DCC: variants seen among roughly 807,000 people sequenced by gnomAD.
DCC encodes DCC netrin 1 receptor.
Under a neutral mutation model 172.5 loss-of-function variants are expected in DCC, and 58 were observed. The ratio of observed to expected loss-of-function variants is 0.34; its 90% CI spans 0.27 to 0.42. The LOEUF is 0.42. DCC is among the 10% of genes least tolerant of loss of function. The pLI is 1.00. For missense variants in DCC, 1,740 were observed against 1,791.0 expected, an observed-to-expected ratio of 0.97 and a Z score of 0.51; for synonymous variants, 709 against 644.5, an observed-to-expected ratio of 1.10 and a Z score of -1.52.
chr18:52,788,741 A>T (rs2037707360), intron 2 of DCC, among the ~76,000 whole-genome samples: 1 of 152,210 alleles, frequency 6.6e-6, no homozygotes, highest in African/African-American at 2.4e-5. Context: ...TTGGAGGAAC[A>T]GGGCCAGGAA....
intron 1 of DCC, among the ~76,000 whole-genome samples, chr18:52,673,662 C>T (rs752442304): frequency 1.1e-3 from 167 of 152,166 alleles, no homozygotes; most frequent in Non-Finnish European, 2.1e-3. Flanking sequence ...TAAATAAGGC[C>T]TTTTTTGAAA....
intron 7 of DCC, among the ~76,000 whole-genome samples, chr18:53,121,000 A>G (rs940063154): frequency 2.0e-5 from 3 of 151,868 alleles, no homozygotes; most frequent in African/African-American, 4.8e-5. Context: ...ATTAAGGGGG[A>G]AAATACATTT....
At chr18:53,207,941 T>C in intron 11 of DCC, 124 bp downstream of exon 11, 4 of 864,710 alleles carry the variant, frequency 4.6e-6, no homozygotes, top group Non-Finnish European at 7.7e-6. Flanking sequence ...TTATGGACTA[T>C]TACAGTTAAA....
chr18:52,917,139 A>G (rs1249091618), intron 3 of DCC, among the ~76,000 whole-genome samples: 1 of 142,436 alleles, frequency 7.0e-6, no homozygotes, highest in Non-Finnish European at 1.5e-5. Flanking sequence ...AAAGAAAACA[A>G]AAAAAAAAAA....
chr18:52,660,759 A>G (rs1325587724), intron 1 of DCC, among the ~76,000 whole-genome samples: 1 of 152,200 alleles, frequency 6.6e-6, no homozygotes, highest in Non-Finnish European at 1.5e-5. Flanking sequence ...TTGTTGGCAT[A>G]TGTAAGAATC....
At chr18:52,556,319 A>G (rs952979834) in intron 1 of DCC, among the ~76,000 whole-genome samples, 1 of 152,158 alleles carries the variant, frequency 6.6e-6, no homozygotes, top group Non-Finnish European at 1.5e-5. Context: ...GGTAGTTTGT[A>G]CTAGAACCCA....
intron 5 of DCC, among the ~76,000 whole-genome samples, chr18:53,015,953 C>G (rs761734392): frequency 4.6e-5 from 7 of 152,136 alleles, no homozygotes; most frequent in African/African-American, 1.7e-4. Flanking sequence ...AATACTTTGT[C>G]AAAACTTGTG....
In DCC at chr18:53,397,311, G is replaced by A; in HGVS notation, c.2692G>A (p.Glu898Lys). 1 of 1,613,290 alleles carries A rather than the reference G, an allele frequency of 6.2e-7. No homozygotes were observed. The highest frequency in any genetic ancestry group is 8.5e-7 in the Non-Finnish European group (1 of 1,179,500). Residue 898 changes from glutamate (E) to lysine (K), a missense_variant, in exon 18 of 29, where the codon GAA (glutamate) becomes AAA (lysine). Transcript: ENST00000442544. Reference sequence around the variant, plus strand: ...TTGCTATTTCCTACTTGTATAGTCAGAAGACACAACATCTCTAAGTTACAC... The same window carrying A: ...TTGCTATTTCCTACTTGTATAGTCAAAAGACACAACATCTCTAAGTTACAC... ...SFSASAKYKS[E>K]DTTSLSYTAT...
At chr18:53,471,904 A>C (rs1295000223) in intron 25 of DCC, among the ~76,000 whole-genome samples, 1 of 151,702 alleles carries the variant, frequency 6.6e-6, no homozygotes, top group African/African-American at 2.4e-5. Flanking sequence ...TGTGTTTGTT[A>C]TTTATTTGCT....
intron 5 of DCC, among the ~76,000 whole-genome samples, chr18:52,998,371 C>T (rs1363484820): frequency 6.6e-6 from 1 of 152,000 alleles, no homozygotes; most frequent in African/African-American, 2.4e-5. Flanking sequence ...AAATAGTGGG[C>T]AAGCTTATAT....
intron 11 of DCC, 81 bp from the exon 12 acceptor site, chr18:53,215,467 C>T: frequency 8.8e-7 from 1 of 1,139,688 alleles, no homozygotes; most frequent in Non-Finnish European, 1.3e-6. Flanking sequence ...AACAAAACCA[C>T]ACTCTCTTTT....
intron 2 of DCC, among the ~76,000 whole-genome samples, chr18:52,813,203 T>C (rs1382348998): frequency 1.5e-5 from 2 of 135,264 alleles, no homozygotes; most frequent in South Asian, 4.6e-4. Context: ...CTGATACAAT[T>C]AGACACTGAT....
intron 1 of DCC, among the ~76,000 whole-genome samples, chr18:52,514,225 ATG>A (rs747226961): frequency 8.5e-4 from 126 of 148,292 alleles, no homozygotes; most frequent in Non-Finnish European, 1.6e-3. Flanking sequence ...ATGCATGTAT[ATG>A]TGTGTGTATA....
intron 5 of DCC, among the ~76,000 whole-genome samples, chr18:52,973,481 C>T (rs891408245): frequency 6.6e-6 from 1 of 152,168 alleles, no homozygotes; most frequent in African/African-American, 2.4e-5. Flanking sequence ...CTCCCTTTCT[C>T]ATATTTCTGC....
In DCC at chr18:53,535,584, T is replaced by G. The variant is rs910662653; in HGVS notation, c.*4931T>G. 6.6e-6 allele frequency: 1 copy of G among 152,214 alleles called. No homozygotes were observed. The highest frequency in any genetic ancestry group is 2.4e-5 in the African/African-American group (1 of 41,452). 9.4% of individuals were successfully genotyped at this position (152,214 alleles called of 1,614,324 possible). Reference sequence around the variant, plus strand: ...CTAGCCTTAGTGAGAAAAGAAATTTTTTGTTGTTACAAAACACCTTTTTTA... The same window carrying G: ...CTAGCCTTAGTGAGAAAAGAAATTTGTTGTTGTTACAAAACACCTTTTTTA... On this transcript the variant is annotated 3_prime_UTR_variant, in exon 29 of 29. Coordinates refer to ENST00000442544, the MANE Select transcript of DCC (RefSeq NM_005215.4).
At chr18:52,944,131 A>C (rs1412964114) in intron 5 of DCC, among the ~76,000 whole-genome samples, 1 of 152,212 alleles carries the variant, frequency 6.6e-6, no homozygotes, top group East Asian at 1.9e-4. Flanking sequence ...ATAAAAAATC[A>C]TTCTAATAAC....
At chr18:52,939,034 CT>C (rs959632126) in intron 5 of DCC, among the ~76,000 whole-genome samples, 44 of 152,248 alleles carry the variant, frequency 2.9e-4, no homozygotes, top group African/African-American at 9.4e-4. Flanking sequence ...GGGACTTCCA[CT>C]TTTTTCTTAG....
At chr18:52,643,092 T>C (rs1003810142) in intron 1 of DCC, among the ~76,000 whole-genome samples, 6 of 152,200 alleles carry the variant, frequency 3.9e-5, no homozygotes, top group African/African-American at 1.4e-4. Context: ...AAGGAAACTT[T>C]AATGCCAAGA....
intron 14 of DCC, among the ~76,000 whole-genome samples, chr18:53,330,264 T>A (rs767871504): frequency 1.3e-5 from 2 of 152,190 alleles, no homozygotes; most frequent in Non-Finnish European, 2.9e-5. Context: ...TCCCTTAAGA[T>A]TGATTGTATT....
Sources: gnomAD v4.1 joint callset for allele counts (sites outside exome capture counted in the v4.1 genomes callset) on GRCh38, gnomAD v4.1.1 for gene constraint, MANE v1.5 for transcripts, NCBI Gene and HGNC (gene_info 2026-07-23, HGNC 2026-07-21) for gene names.